Variants in CNTNAP4 observed in about 807,000 individuals in gnomAD.
The protein encoded by CNTNAP4 is contactin associated protein family member 4.
A neutral mutation model predicts 148.4 loss-of-function variants in CNTNAP4; 98 were observed. That is an observed-to-expected ratio of 0.66 (90% CI 0.56 to 0.78). The LOEUF is 0.78. Ranked by LOEUF, CNTNAP4 falls within the 30% of genes least tolerant of loss-of-function variation. The pLI is 0.00. For synonymous variants in CNTNAP4, 730 were observed against 565.1 expected, an observed-to-expected ratio of 1.29 and a Z score of -4.14; for missense variants, 1,935 against 1,565.6, an observed-to-expected ratio of 1.24 and a Z score of -3.98.
intron 15 of CNTNAP4, among the ~76,000 whole-genome samples, chr16:76,512,519 G>C (rs922871637): frequency 6.6e-6 from 1 of 152,184 alleles, no homozygotes; most frequent in Admixed American, 6.5e-5. Flanking sequence ...TAGAGGGAAA[G>C]AACTGGCATT....
chr16:76,533,483 G>C (rs1019476095), intron 17 of CNTNAP4, among the ~76,000 whole-genome samples: 1 of 152,140 alleles, frequency 6.6e-6, no homozygotes, highest in South Asian at 2.1e-4. Flanking sequence ...GATATTGAAT[G>C]TTCCCAACAC....
At chr16:76,461,845 A>T in intron 8 of CNTNAP4, 111 bp from the exon 9 acceptor site, 1 of 797,866 alleles carries the variant, frequency 1.3e-6, no homozygotes. Flanking sequence ...TTTAATTAAT[A>T]ATAGAGTTAA....
At chr16:76,448,496 AAAT>A (rs2080333718) in intron 5 of CNTNAP4, among the ~76,000 whole-genome samples, 1 of 152,204 alleles carries the variant, frequency 6.6e-6, no homozygotes, top group African/African-American at 2.4e-5. Context: ...GAGGTAGTAA[AAAT>A]AATGAGGTTG....
intron 1 of CNTNAP4, among the ~76,000 whole-genome samples, chr16:76,284,171 C>T (rs765982513): frequency 6.6e-6 from 1 of 151,702 alleles, no homozygotes; most frequent in Non-Finnish European, 1.5e-5. Flanking sequence ...AAGGGTTGAC[C>T]CATCACAGTG....
At chr16:76,475,786 G>T (rs1346508704) in intron 10 of CNTNAP4, among the ~76,000 whole-genome samples, 153 bp from the exon 11 acceptor site, 1 of 152,158 alleles carries the variant, frequency 6.6e-6, no homozygotes, top group African/African-American at 2.4e-5. Context: ...CTAAGGTTTA[G>T]TTCTGTGATT....
intron 2 of CNTNAP4, among the ~76,000 whole-genome samples, chr16:76,334,534 C>T (rs1334049299): frequency 2.6e-5 from 4 of 152,286 alleles, no homozygotes; most frequent in South Asian, 2.1e-4. Flanking sequence ...TCTAATACTA[C>T]AGTTAAACTT....
At chr16:76,418,138 G>C (rs2079051882) in intron 3 of CNTNAP4, among the ~76,000 whole-genome samples, 1 of 151,444 alleles carries the variant, frequency 6.6e-6, no homozygotes, top group Non-Finnish European at 1.5e-5. Context: ...TGGATCTACA[G>C]TTCAGTGTCT....
chr16:76,452,784 C>T lies in CNTNAP4; in HGVS notation c.1333+15C>T, dbSNP rs1429567473. 1 of 1,532,506 alleles carries T rather than the reference C, an allele frequency of 6.5e-7. No homozygotes were observed. Among genetic ancestry groups the T allele is most frequent in the East Asian group, 2.3e-5 (1 of 43,716 alleles). 94.9% of individuals were successfully genotyped at this position (1,532,506 alleles called of 1,614,324 possible). ...CATCACAGCAGGTAATAAATGTATT[C>T]CCTGGGGCAAAGCATATGGATTTGA... On this transcript the variant is annotated intron_variant, in intron 8 of 23. Coordinates refer to ENST00000611870, the MANE Select transcript of CNTNAP4 (RefSeq NM_033401.5).
intron 2 of CNTNAP4, among the ~76,000 whole-genome samples, chr16:76,330,848 T>A (rs746736912): frequency 1.3e-5 from 2 of 152,196 alleles, no homozygotes; most frequent in African/African-American, 4.8e-5. Flanking sequence ...ATATAAGGAA[T>A]GACTATAATT....
chr16:76,439,235 A>G (rs1342993713), intron 4 of CNTNAP4, among the ~76,000 whole-genome samples: 1 of 152,166 alleles, frequency 6.6e-6, no homozygotes, highest in East Asian at 1.9e-4. Context: ...CATGATGTAA[A>G]TTGTATCATA....
chr16:76,552,297 C>T (rs544485755), intron 21 of CNTNAP4, among the ~76,000 whole-genome samples: 3 of 152,220 alleles, frequency 2.0e-5, no homozygotes, highest in African/African-American at 7.2e-5. Context: ...ATGGGGATTA[C>T]AATTCAAGAT....
chr16:76,484,785 G>A (rs1263925984), intron 12 of CNTNAP4, among the ~76,000 whole-genome samples: 2 of 152,128 alleles, frequency 1.3e-5, no homozygotes, highest in Non-Finnish European at 2.9e-5. Flanking sequence ...ATTGCTTGCA[G>A]CCAATAGCAT....
intron 8 of CNTNAP4, among the ~76,000 whole-genome samples, chr16:76,460,286 T>G (rs1242637231): frequency 6.6e-6 from 1 of 151,758 alleles, no homozygotes; most frequent in South Asian, 2.1e-4. Flanking sequence ...TTTTTGTATT[T>G]TTGGTAGAGA....
chr16:76,482,430 CAA>C (rs2081868798), intron 12 of CNTNAP4, among the ~76,000 whole-genome samples: 2 of 96,950 alleles, frequency 2.1e-5, no homozygotes, highest in Admixed American at 2.0e-4. Context: ...CTGTTTTACA[CAA>C]TTTTTTTTTT....
intron 3 of CNTNAP4, among the ~76,000 whole-genome samples, chr16:76,424,116 T>A (rs1272862830): frequency 6.6e-6 from 1 of 152,172 alleles, no homozygotes; most frequent in African/African-American, 2.4e-5. Context: ...TCTTAACGTT[T>A]TCAAAATTTA....
At chr16:76,539,646 ACT>A (rs1029531957) in intron 19 of CNTNAP4, 71 bp from the exon 20 acceptor site, 52 of 1,244,294 alleles carry the variant, frequency 4.2e-5, no homozygotes, top group Non-Finnish European at 5.4e-5. Flanking sequence ...ACAAAAAATC[ACT>A]CTGATTTTTA....
Position 76,462,097 on chromosome 16 carries a change from A to G in CNTNAP4, c.1475A>G (p.Tyr492Cys). ...CAGATTTATTCGGGTGGCACCTATTATTTTGGAGGTAAGAATAGGTGCCAG... is the reference window on the plus strand; with the variant it reads ...CAGATTTATTCGGGTGGCACCTATTGTTTTGGAGGTAAGAATAGGTGCCAG... ...PEQIYSGGTY[Y>C]FGGCPDKSFG... The change falls in exon 9 of 24, where the codon TAT becomes TGT. Residue 492 changes from tyrosine (Y) to cysteine (C), a missense_variant. Physicochemically the swap from Tyr to Cys is radical, Grantham distance 194 (BLOSUM62 -2). Transcript: ENST00000611870. 1 of 1,613,052 alleles carries G rather than the reference A, an allele frequency of 6.2e-7. No individual in the cohort carries two copies. Among genetic ancestry groups the G allele is most frequent in the Non-Finnish European group, 8.5e-7 (1 of 1,179,478 alleles).
chr16:76,498,633 C>T lies in CNTNAP4; in HGVS notation c.2304C>T (p.Asp768=). 6.2e-7 allele frequency: 1 copy of T among 1,612,810 alleles called. No homozygotes were observed. The highest frequency in any genetic ancestry group is 2.2e-5 in the East Asian group (1 of 44,862). ...CAGTAACTAAGATCGTGATTACAGA[C>T]ACAGGCCGACTGCATTCAGAAGCAG... is the stretch of plus-strand genomic sequence containing the variant. ...HLPVTKIVIT[D]TGRLHSEAAY... is the part of the protein sequence containing the mutation. Residue 768 remains aspartate, a synonymous_variant, in exon 15 of 24, where the codon GAC becomes GAT. Coordinates refer to ENST00000611870, the MANE Select transcript of CNTNAP4 (RefSeq NM_033401.5).
At position 76,479,626 on chromosome 16, in the gene CNTNAP4, G is replaced by A. The variant is rs765210923; in HGVS notation, c.1882+88G>A. ...AAAATGAAATAAGCAGAATGTTGAC[G>A]TAATTTGCAACTTGATTAAAATATG... On this transcript the variant is annotated intron_variant, in intron 12 of 23. Coordinates refer to ENST00000611870, the MANE Select transcript of CNTNAP4 (RefSeq NM_033401.5). 127 of 1,363,284 alleles carry A rather than the reference G, an allele frequency of 9.3e-5. 1 individual carries two copies. In the East Asian group the frequency reaches 2.0e-3, roughly 21 times the overall value. 84.4% of individuals were successfully genotyped at this position (1,363,284 alleles called of 1,614,324 possible).
Sources: gnomAD v4.1 joint callset for allele counts (sites outside exome capture counted in the v4.1 genomes callset) on GRCh38, gnomAD v4.1.1 for gene constraint, MANE v1.5 for transcripts, NCBI Gene and HGNC (gene_info 2026-07-23, HGNC 2026-07-21) for gene names.